DNAJB4: variants seen among roughly 807,000 people sequenced by gnomAD.
The protein encoded by DNAJB4 is DnaJ heat shock protein family (Hsp40) member B4.
A neutral mutation model predicts 26.6 loss-of-function variants in DNAJB4; 10 were observed. The observed-to-expected ratio is 0.38, with a 90% CI of 0.23 to 0.64. The LOEUF (loss-of-function observed/expected upper bound fraction) is 0.64, where lower values mean the gene tolerates loss of function less well. DNAJB4 is among the 30% of genes least tolerant of loss of function. The probability of loss-of-function intolerance (pLI) is 0.58; values close to 1 mark genes in which losing one functional copy is unlikely to be tolerated. For synonymous variants in DNAJB4, 136 were observed against 134.8 expected (o/e 1.01, Z -0.06); for missense variants, 328 against 408.2 (o/e 0.80, Z 1.69).
At chr1:78,007,338 T>G (rs965031682) in intron 1 of DNAJB4, among the ~76,000 whole-genome samples, 4 of 152,098 alleles carry the variant, frequency 2.6e-5, no homozygotes, top group Non-Finnish European at 5.9e-5. Flanking sequence ...TTCCAACACT[T>G]TGGGAGGCCG....
rs1340201870 is a variant in DNAJB4, at chr1:78,013,548, G to A, written c.709G>A (p.Asp237Asn). ...IPADIVFIIK[D>N]KDHPKFKRDG... ...AGCAGACATTGTTTTTATCATTAAA[G>A]ACAAAGATCATCCAAAATTTAAAAG... The change falls in exon 2 of 3, where the codon GAC (aspartate) becomes AAC (asparagine). Residue 237 changes from aspartate to asparagine, a missense_variant. Coordinates refer to ENST00000370763, the MANE Select transcript of DNAJB4 (RefSeq NM_007034.5). The A allele has an allele frequency of 2.5e-6, 4 of 1,611,528 alleles. No homozygotes were observed. The East Asian group carries it at 8.9e-5, about 36-fold the overall frequency.
At chr1:78,006,526 A>G (rs953829298) in intron 1 of DNAJB4, among the ~76,000 whole-genome samples, 3 of 152,220 alleles carry the variant, frequency 2.0e-5, no homozygotes, top group Non-Finnish European at 4.4e-5. Flanking sequence ...CTTATTTTGA[A>G]TGAAACAAAT....
upstream of DNAJB4, among the ~76,000 whole-genome samples, chr1:78,002,043 A>G (rs1378558200): frequency 3.9e-5 from 6 of 152,248 alleles, no homozygotes; most frequent in Admixed American, 3.9e-4. Flanking sequence ...ACATACATGT[A>G]AGCTATAACA....
rs556523844 is a variant in DNAJB4, at chr1:77,996,887, G to A, written c.-31-8193G>A. On this transcript the variant is annotated intron_variant, in intron 1 of 2. Coordinates refer to the DNAJB4 transcript ENST00000426517. ...GAGACAGGATCTCCCTCTGTCACCC[G>A]GGTGGACTGCGATCACGGCTCACTG... Among the ~76,000 whole-genome samples, 8 of 152,042 alleles carry A rather than the reference G, an allele frequency of 5.3e-5. No homozygotes were observed. The South Asian group carries it at 8.3e-4, about 16-fold the overall frequency.
At position 78,006,265 on chromosome 1, in the gene DNAJB4, G is replaced by A. The variant is rs1356379002; in HGVS notation, c.211+944G>A. Among the ~76,000 whole-genome samples, 2 of 152,040 alleles carry A rather than the reference G, an allele frequency of 1.3e-5. 1 individual carries two copies. Among genetic ancestry groups the A allele is most frequent in the South Asian group, 4.1e-4 (2 of 4,824 alleles). ...GTTTGTCCATCACTTCCATATAAAC[G>A]GGGCTATGAAGTAAGACTATTTTAA... On this transcript the variant is annotated intron_variant, in intron 1 of 2. Transcript: ENST00000370763.
At chr1:78,004,389 C>T (rs564773658), upstream of DNAJB4, 4 of 152,272 alleles carry the variant, frequency 2.6e-5, no homozygotes, top group South Asian at 6.2e-4. Context: ...ATTATAGATA[C>T]TCCCTTAACA....
chr1:78,006,604 G>T (rs1660335736), intron 1 of DNAJB4, among the ~76,000 whole-genome samples: 1 of 151,982 alleles, frequency 6.6e-6, no homozygotes. Context: ...TAGCTTTTTT[G>T]GTCTATGAGT....
chr1:78,013,545 A>G lies in DNAJB4; in HGVS notation c.706A>G (p.Lys236Glu). The G allele has an allele frequency of 6.2e-7, 1 of 1,612,586 alleles. No homozygotes were observed. Among genetic ancestry groups the G allele is most frequent in the South Asian group, 1.1e-5 (1 of 90,784 alleles). The change falls in exon 2 of 3, where the codon AAA becomes GAA. Residue 236 changes from lysine (K) to glutamate (E), a missense_variant. Physicochemically the swap from Lys to Glu is moderately conservative, Grantham distance 56. Transcript: ENST00000370763. ...TCCAGCAGACATTGTTTTTATCATT[A>G]AAGACAAAGATCATCCAAAATTTAA... ...SIPADIVFII[K>E]DKDHPKFKRD...
At chr1:77,995,596 G>A (rs1660041195) in intron 1 of DNAJB4, among the ~76,000 whole-genome samples, 1 of 152,110 alleles carries the variant, frequency 6.6e-6, no homozygotes, top group Non-Finnish European at 1.5e-5. Context: ...AGGACTACAG[G>A]TGCATGCCAC....
intron 1 of DNAJB4, among the ~76,000 whole-genome samples, chr1:77,997,516 A>G (rs1322064471): frequency 6.6e-6 from 1 of 152,002 alleles, no homozygotes; most frequent in Admixed American, 6.6e-5. Context: ...CATAAAAAAA[A>G]CTTCGAACAA....
At chr1:77,987,457 G>T (rs1659820277) in intron 1 of DNAJB4, among the ~76,000 whole-genome samples, 2 of 152,104 alleles carry the variant, frequency 1.3e-5, no homozygotes, top group Non-Finnish European at 2.9e-5. Context: ...AGAGATGGGG[G>T]TCTCGCTATG....
At chr1:78,006,474 T>C (rs961557392) in intron 1 of DNAJB4, among the ~76,000 whole-genome samples, 2 of 152,224 alleles carry the variant, frequency 1.3e-5, no homozygotes, top group African/African-American at 4.8e-5. Context: ...CAAATTTTCC[T>C]AATTAGAAAT....
At position 78,015,518 on chromosome 1, in the gene DNAJB4, CTTTTCT is replaced by C. The variant is rs546074171; in HGVS notation, c.781-481_781-476del. ...GAAGGAATTTTCCTTTTTTTCTTTT[CTTTTCT>C]TTTTCTTTTTCTTTCTTTCTTTCTT... is the stretch of plus-strand genomic sequence containing the variant. On this transcript the variant is annotated intron_variant, in intron 2 of 2. Coordinates refer to ENST00000370763, the MANE Select transcript of DNAJB4 (RefSeq NM_007034.5). Among the ~76,000 whole-genome samples the C allele has an allele frequency of 2.2e-3, 143 of 64,196 alleles. 2 individuals carry two copies. The South Asian group carries it at 0.061, about 27-fold the overall frequency. 42.1% of individuals were successfully genotyped at this position (64,196 alleles called of 152,430 possible). A position where few individuals can be genotyped will look rare whatever the true frequency, so the allele number is the denominator to read the frequency against.
chr1:78,016,153 G>T lies in DNAJB4; in HGVS notation c.920G>T (p.Arg307Leu). 1 of 1,614,112 alleles carries T rather than the reference G, an allele frequency of 6.2e-7. No homozygotes were observed. The highest frequency in any genetic ancestry group is 1.1e-5 in the South Asian group (1 of 91,082). The change falls in exon 3 of 3, where the codon CGT becomes CTT. Residue 307 changes from arginine to leucine, a missense_variant. Arg to Leu is a moderately radical substitution (Grantham distance 102). Transcript: ENST00000370763. ...CCATTTCCAAAAAATCCTGACCAAC[G>T]TGGTGACCTTCTAATAGAATTTGAG... ...GLPFPKNPDQRGDLLIEFEVS... is the reference protein window; with the variant it reads ...GLPFPKNPDQLGDLLIEFEVS...
upstream of DNAJB4, among the ~76,000 whole-genome samples, chr1:78,000,530 T>C (rs573791589): frequency 4.4e-4 from 67 of 152,192 alleles, no homozygotes; most frequent in Non-Finnish European, 8.4e-4. Context: ...ATTCCCTGGG[T>C]GTCACCTCGG....
chr1:78,004,076 T>G (rs1170030543), upstream of DNAJB4, among the ~76,000 whole-genome samples: 1 of 152,226 alleles, frequency 6.6e-6, no homozygotes, highest in African/African-American at 2.4e-5. Context: ...GCAGTTGCAG[T>G]TAAGTCTTGT....
chr1:77,994,450 C>T (rs1407640934), intron 1 of DNAJB4, among the ~76,000 whole-genome samples: 2 of 150,378 alleles, frequency 1.3e-5, no homozygotes, highest in Non-Finnish European at 3.0e-5. Context: ...ATTAGCTAAA[C>T]AAACTTGCTA....
upstream of DNAJB4, chr1:78,004,553 C>T (rs1287155694): frequency 6.6e-6 from 1 of 152,196 alleles, no homozygotes; most frequent in Non-Finnish European, 1.5e-5. Flanking sequence ...TAAAAAATCC[C>T]TAAAGTAGAA....
intron 1 of DNAJB4, among the ~76,000 whole-genome samples, chr1:78,009,333 A>G (rs1421961420): frequency 6.6e-6 from 1 of 152,108 alleles, no homozygotes; most frequent in East Asian, 1.9e-4. Flanking sequence ...CTTCTTTTGG[A>G]AACTTTTAGT....
Sources: gnomAD v4.1 joint callset for allele counts (sites outside exome capture counted in the v4.1 genomes callset) on GRCh38, gnomAD v4.1.1 for gene constraint, MANE v1.5 for transcripts, NCBI Gene and HGNC (gene_info 2026-07-23, HGNC 2026-07-21) for gene names.